Variants in PLPP4 observed in about 807,000 individuals in gnomAD.
PLPP4 encodes the protein diacylglycerol pyrophosphate like 2.
In PLPP4, 20 loss-of-function variants were observed where a neutral mutation model predicts 32.2. That is an observed-to-expected ratio of 0.62 (90% CI 0.44 to 0.90). The LOEUF (loss-of-function observed/expected upper bound fraction) is 0.90. Ranked by LOEUF, PLPP4 falls within the 40% of genes least tolerant of loss-of-function variation. The pLI is 0.00. For missense variants in PLPP4, 257 were observed against 353.1 expected, an observed-to-expected ratio of 0.73 and a Z score of 2.18; for synonymous variants, 127 against 133.0, an observed-to-expected ratio of 0.95 and a Z score of 0.31.
At chr10:120,496,912 A>AGT (rs3066553) in intron 1 of PLPP4, among the ~76,000 whole-genome samples, 12,213 of 149,430 alleles carry the variant, frequency 0.082, 512 homozygotes, top group Middle Eastern at 0.11. Flanking sequence ...AGAATGTGTG[A>AGT]GTGTGTGTGT....
chr10:120,585,236 G>T (rs1044132009), intron 6 of PLPP4, among the ~76,000 whole-genome samples: 3 of 152,220 alleles, frequency 2.0e-5, no homozygotes, highest in Non-Finnish European at 4.4e-5. Context: ...ATAAGCTAGT[G>T]AAGAGATTCT....
chr10:120,527,587 A>G (rs1190667338), intron 5 of PLPP4, among the ~76,000 whole-genome samples: 1 of 152,220 alleles, frequency 6.6e-6, no homozygotes, highest in Non-Finnish European at 1.5e-5. Context: ...ACATAAGGTT[A>G]CCGATCACAC....
intron 5 of PLPP4, among the ~76,000 whole-genome samples, chr10:120,562,580 T>A (rs1213395706): frequency 2.0e-5 from 3 of 152,214 alleles, no homozygotes; most frequent in Non-Finnish European, 1.5e-5. Context: ...TTTATCAGGT[T>A]CCTTCCATTT....
chr10:120,530,896 A>G (rs916212654), intron 5 of PLPP4, among the ~76,000 whole-genome samples: 2 of 152,054 alleles, frequency 1.3e-5, no homozygotes, highest in South Asian at 2.1e-4. Flanking sequence ...CATTTCCCTG[A>G]TGACTAATGT....
chr10:120,474,338 C>G (rs1250802017), intron 1 of PLPP4, among the ~76,000 whole-genome samples: 1 of 152,016 alleles, frequency 6.6e-6, no homozygotes, highest in Non-Finnish European at 1.5e-5. Context: ...TCTGAGTTAT[C>G]CTTCAAATGA....
chr10:120,521,230 T>A, intron 5 of PLPP4, 135 bp downstream of exon 5: 1 of 1,106,116 alleles, frequency 9.0e-7, no homozygotes, highest in African/African-American at 1.6e-5. Flanking sequence ...TTTACGGCGT[T>A]TGACTTAGAA....
intron 6 of PLPP4, among the ~76,000 whole-genome samples, chr10:120,582,888 A>G (rs1447974003): frequency 1.3e-5 from 2 of 150,664 alleles, no homozygotes; most frequent in Non-Finnish European, 2.9e-5. Flanking sequence ...AGTACTGAGT[A>G]AGATGGACAT....
rs192581626 is a variant in PLPP4 at position 120,513,530 on chromosome 10, C to G, written c.166-381C>G. Among the ~76,000 whole-genome samples, 3 of 152,300 alleles carry G rather than the reference C, an allele frequency of 2.0e-5. No homozygotes were observed. In the East Asian group the frequency reaches 5.8e-4, roughly 29 times the overall value. Reference sequence around the variant, plus strand: ...ACTCTAAGTGAGTCTCAAATGCACTCGTGTTTCCAGAGAGATAGGAGTTGG... The same window carrying G: ...ACTCTAAGTGAGTCTCAAATGCACTGGTGTTTCCAGAGAGATAGGAGTTGG... On this transcript the variant is annotated intron_variant, in intron 2 of 6. Coordinates refer to ENST00000398250, the MANE Select transcript of PLPP4 (RefSeq NM_001030059.3).
intron 1 of PLPP4, among the ~76,000 whole-genome samples, chr10:120,462,780 C>T (rs1441666180): frequency 1.3e-5 from 2 of 152,144 alleles, no homozygotes; most frequent in Non-Finnish European, 2.9e-5. Context: ...CTCCTTCCAT[C>T]CGCTGCCTTT....
intron 1 of PLPP4, among the ~76,000 whole-genome samples, chr10:120,490,141 A>G (rs967703998): frequency 3.9e-5 from 6 of 152,206 alleles, no homozygotes; most frequent in African/African-American, 1.2e-4. Context: ...AACCTCAGTC[A>G]TAAAGTCCGG....
At chr10:120,555,073 G>T (rs961907166) in intron 5 of PLPP4, among the ~76,000 whole-genome samples, 6 of 152,078 alleles carry the variant, frequency 3.9e-5, no homozygotes, top group African/African-American at 1.4e-4. Context: ...TCAGATTACA[G>T]CGAGTGGCAA....
intron 4 of PLPP4, among the ~76,000 whole-genome samples, chr10:120,520,156 A>G (rs1262740606): frequency 1.3e-5 from 2 of 152,128 alleles, no homozygotes; most frequent in African/African-American, 4.8e-5. Flanking sequence ...TGCAGCTGTG[A>G]TTGCTGCAGG....
At chr10:120,501,958 C>T (rs1413815196) in intron 1 of PLPP4, among the ~76,000 whole-genome samples, 1 of 152,102 alleles carries the variant, frequency 6.6e-6, no homozygotes, top group African/African-American at 2.4e-5. Flanking sequence ...GGGCAGAGAG[C>T]AGAGGGGCAG....
chr10:120,517,431 T>A lies in PLPP4; in HGVS notation c.257-1402T>A, dbSNP rs116392287. Among the ~76,000 whole-genome samples, 217 of 152,292 alleles carry A rather than the reference T, an allele frequency of 1.4e-3. 1 individual carries two copies. The highest frequency in any genetic ancestry group is 5.1e-3 in the African/African-American group (210 of 41,558). ...TTGCCAGAGAGAAGGGAAGCTGGCA[T>A]TTGAGGAAGGAAGGATCTGTGTGTT... On this transcript the variant is annotated intron_variant, in intron 3 of 6. Transcript: ENST00000398250.
chr10:120,517,708 G>A (rs527877258), intron 3 of PLPP4, among the ~76,000 whole-genome samples: 1 of 152,088 alleles, frequency 6.6e-6, no homozygotes, highest in African/African-American at 2.4e-5. Context: ...TTTCTGCTTC[G>A]GATAACTTGT....
chr10:120,519,854 A>C (rs1005901303), intron 4 of PLPP4, among the ~76,000 whole-genome samples: 12 of 152,194 alleles, frequency 7.9e-5, no homozygotes, highest in African/African-American at 2.9e-4. Flanking sequence ...GTTGAGTATG[A>C]ATGTGAGGTG....
chr10:120,581,119 C>A, intron 6 of PLPP4: 2 of 1,227,194 alleles, frequency 1.6e-6, no homozygotes, highest in South Asian at 1.4e-5. Flanking sequence ...CATTCTCAGT[C>A]AGGACTTCTG....
intron 5 of PLPP4, among the ~76,000 whole-genome samples, chr10:120,571,016 A>G (rs748685921): frequency 6.6e-6 from 1 of 151,882 alleles, no homozygotes; most frequent in Non-Finnish European, 1.5e-5. Flanking sequence ...AACCTACTAC[A>G]AGGCTTTGAA....
chr10:120,497,017 G>A (rs1400086772), intron 1 of PLPP4, among the ~76,000 whole-genome samples: 2 of 151,914 alleles, frequency 1.3e-5, no homozygotes, highest in African/African-American at 4.8e-5. Context: ...CTAGTCTGGG[G>A]ATCCTCCTAG....
Sources: allele counts gnomAD v4.1 joint callset (sites outside exome capture counted in the v4.1 genomes callset), GRCh38; gene constraint gnomAD v4.1.1; transcripts MANE v1.5; gene names NCBI Gene and HGNC (gene_info 2026-07-23, HGNC 2026-07-21).